AMBP: variants seen among roughly 807,000 people sequenced by gnomAD.
AMBP encodes the protein alpha-1-microglobulin/bikunin precursor.
AMBP carries 37 observed loss-of-function variants against 46.3 expected under a neutral mutation model. The observed-to-expected ratio is 0.80, with a 90% confidence interval of 0.61 to 1.05. AMBP has a LOEUF of 1.05. Ranked by LOEUF, AMBP falls within the 50% of genes least tolerant of loss-of-function variation. The pLI, the probability that AMBP is intolerant of heterozygous loss-of-function variation, is 0.00. For synonymous variants in AMBP, 174 were observed against 175.9 expected (o/e 0.99, Z 0.09); for missense variants, 475 against 461.2 (o/e 1.03, Z -0.27).
At chr9:114,060,340 G>A (rs2269455) in intron 9 of AMBP, 70 bp from the exon 10 acceptor site, 410,392 of 1,533,690 alleles carry the variant, frequency 0.27, 55,833 homozygotes, top group African/African-American at 0.31. Flanking sequence ...AGCAGCTGTC[G>A]CCTGGGGCCA....
intron 6 of AMBP, among the ~76,000 whole-genome samples, chr9:114,069,043 A>G (rs1036159305): frequency 2.0e-5 from 3 of 151,826 alleles, no homozygotes; most frequent in African/African-American, 7.3e-5. Flanking sequence ...CCAAATAAAT[A>G]TCACATATAT....
chr9:114,064,573 T>C (rs1846674230), intron 6 of AMBP, among the ~76,000 whole-genome samples: 1 of 151,816 alleles, frequency 6.6e-6, no homozygotes, highest in Non-Finnish European at 1.5e-5. Flanking sequence ...TTGACATTGA[T>C]AAAGAAATAC....
rs753777132 is a variant in AMBP, at chr9:114,060,261, T to G, written c.1037A>C (p.Glu346Ala). 2 of 1,613,308 alleles carry G rather than the reference T, an allele frequency of 1.2e-6. No homozygotes were observed. Among genetic ancestry groups the G allele is most frequent in the Non-Finnish European group, 1.7e-6 (2 of 1,179,744 alleles). The change falls in exon 10 of 10, where the codon GAG becomes GCG. Residue 346 changes from glutamate to alanine, a missense_variant. This residue lies in a region of AMBP where 293 missense variants were observed against 276.9 expected (regional missense o/e 1.06). Transcript: ENST00000265132. The stretch of plus-strand genomic sequence containing the variant: ...TTGTCAGTTGGAGAAGCGCAGCAGC[T>G]CCTCATCACCTGTGGACACAGAGAG... ...YCGVPGDGDE[E>A]LLRFSN
intron 9 of AMBP, 79 bp downstream of exon 9, chr9:114,060,846 C>A: frequency 1.3e-6 from 2 of 1,492,778 alleles, no homozygotes; most frequent in Non-Finnish European, 9.1e-7. Context: ...GCTCTCCAGA[C>A]CCCTACTCCT....
intron 2 of AMBP, among the ~76,000 whole-genome samples, chr9:114,075,434 A>T (rs1205484229): frequency 6.6e-6 from 1 of 152,240 alleles, no homozygotes; most frequent in Non-Finnish European, 1.5e-5. Flanking sequence ...TAAAATGGGG[A>T]TCATGATAGT....
intron 6 of AMBP, among the ~76,000 whole-genome samples, chr9:114,063,048 A>G (rs1399680827): frequency 1.3e-5 from 2 of 151,922 alleles, no homozygotes; most frequent in Admixed American, 1.3e-4. Flanking sequence ...AGTAATGAAA[A>G]GGTACCTCCC....
Position 114,062,676 on chromosome 9 carries a change from C to T in AMBP, c.685+1G>A, listed in dbSNP as rs112159657. 1 of 1,613,598 alleles carries T rather than the reference C, an allele frequency of 6.2e-7. No homozygotes were observed. Among genetic ancestry groups the T allele is most frequent in the South Asian group, 1.1e-5 (1 of 91,052 alleles). The stretch of plus-strand genomic sequence containing the variant: ...GGGGTGAAAAGGCAGGTGTTCATTA[C>T]CTTCTTTCTTGGTGACTTCAGTTAC... On this transcript the variant is annotated splice_donor_variant, in intron 7 of 9. Coordinates refer to ENST00000265132, the MANE Select transcript of AMBP (RefSeq NM_001633.4). LOFTEE classifies it high-confidence loss of function.
At chr9:114,061,159 A>G in intron 8 of AMBP, 61 bp from the exon 9 acceptor site, 3 of 1,577,206 alleles carry the variant, frequency 1.9e-6, no homozygotes, top group Non-Finnish European at 1.7e-6. Flanking sequence ...TCAGACATAC[A>G]TGAGACTGCT....
intron 4 of AMBP, among the ~76,000 whole-genome samples, chr9:114,073,588 C>T (rs1431871892): frequency 6.6e-6 from 1 of 150,844 alleles, no homozygotes; most frequent in Non-Finnish European, 1.5e-5. Context: ...GCCTCATACT[C>T]CTGGGCTCAA....
chr9:114,073,027 C>G lies in AMBP; in HGVS notation c.455-1G>C. On this transcript the variant is annotated splice_acceptor_variant, in intron 4 of 9. Coordinates refer to ENST00000265132, the MANE Select transcript of AMBP (RefSeq NM_001633.4). LOFTEE classifies it high-confidence loss of function. ...GTTTCCCTCAGCTGCGGCGCCCGCC[C>G]TGCAAGGAGGAAGCAGAGGAGACGC... The G allele has an allele frequency of 6.2e-7, 1 of 1,612,532 alleles. No individual in the cohort carries two copies. The highest frequency in any genetic ancestry group is 8.5e-7 in the Non-Finnish European group (1 of 1,179,272).
At chr9:114,076,443 G>T (rs997049378) in intron 2 of AMBP, among the ~76,000 whole-genome samples, 155 bp downstream of exon 2, 1 of 152,132 alleles carries the variant, frequency 6.6e-6, no homozygotes, top group Non-Finnish European at 1.5e-5. Flanking sequence ...CACCTGAAAA[G>T]GGCCGTCCTG....
intron 6 of AMBP, among the ~76,000 whole-genome samples, chr9:114,069,011 C>T (rs1846719031): frequency 1.3e-5 from 2 of 151,484 alleles, no homozygotes; most frequent in Admixed American, 6.6e-5. Flanking sequence ...TTTATAGTTT[C>T]GCAATTTTCA....
intron 6 of AMBP, among the ~76,000 whole-genome samples, chr9:114,068,227 A>G (rs1310628163): frequency 6.6e-6 from 1 of 152,198 alleles, no homozygotes; most frequent in African/African-American, 2.4e-5. Context: ...CTTTAGAAGA[A>G]TCTTTAGGAC....
At chr9:114,062,542 G>T in intron 7 of AMBP, 135 bp downstream of exon 7, 2 of 854,290 alleles carry the variant, frequency 2.3e-6, no homozygotes, top group Non-Finnish European at 3.8e-6. Flanking sequence ...TACTTGATTT[G>T]CCTTTTCTCA....
Position 114,062,566 on chromosome 9 carries a change from G to A in AMBP, c.685+111C>T. ...TGCCTTTTCTCAGTCCAGCCCTTGAGTCTCTAACAGATAAAGAGACTGCAC... is the reference window on the plus strand; with the variant it reads ...TGCCTTTTCTCAGTCCAGCCCTTGAATCTCTAACAGATAAAGAGACTGCAC... On this transcript the variant is annotated intron_variant, in intron 7 of 9. Coordinates refer to ENST00000265132, the MANE Select transcript of AMBP (RefSeq NM_001633.4). The A allele has an allele frequency of 3.6e-6, 4 of 1,101,164 alleles. No individual in the cohort carries two copies. In the South Asian group the frequency reaches 5.3e-5, roughly 15 times the overall value. 68.2% of individuals were successfully genotyped at this position (1,101,164 alleles called of 1,614,324 possible). A position where few individuals can be genotyped will look rare whatever the true frequency, so the allele number is the denominator to read the frequency against.
chr9:114,075,173 T>C lies in AMBP; in HGVS notation c.261-137A>G, dbSNP rs1490750652. ...TTGTGTGTTTTTGTTTGCTTTTTAA[T>C]TCGGAAATGAACATTTCCAAATGTC... is the stretch of plus-strand genomic sequence containing the variant. On this transcript the variant is annotated intron_variant, in intron 2 of 9. Coordinates refer to ENST00000265132, the MANE Select transcript of AMBP (RefSeq NM_001633.4). 1.4e-5 allele frequency: 9 copies of C among 644,320 alleles called. No individual in the cohort carries two copies. The South Asian group carries it at 1.6e-4, about 12-fold the overall frequency. The allele number at this position is 644,320 out of a possible 1,614,324, so 39.9% of individuals were successfully genotyped here.
intron 5 of AMBP, among the ~76,000 whole-genome samples, chr9:114,070,799 G>T (rs1346818959): frequency 6.6e-6 from 1 of 152,238 alleles, no homozygotes; most frequent in African/African-American, 2.4e-5. Flanking sequence ...TGTGTGTGAA[G>T]CCACCAGGGG....
chr9:114,067,022 C>G (rs1197244273), intron 6 of AMBP, among the ~76,000 whole-genome samples: 2 of 152,158 alleles, frequency 1.3e-5, no homozygotes, highest in African/African-American at 4.8e-5. Flanking sequence ...CTCACTGCAA[C>G]CTCTGCCTCC....
chr9:114,061,530 A>T lies in AMBP; in HGVS notation c.747T>A (p.Tyr249Ter). 1 of 1,613,944 alleles carries T rather than the reference A, an allele frequency of 6.2e-7. No individual in the cohort carries two copies. The highest frequency in any genetic ancestry group is 1.1e-5 in the South Asian group (1 of 91,068). ...PCMGMTSRYFYNGTSMACETF... is the reference protein window; with the variant it reads ...PCMGMTSRYF ...TCTCACAGGCCATGGATGTACCATT[A>T]TAGAAATACCTGCTGGTCATTCCCA... Residue 249 changes from tyrosine (Y) to a stop codon, truncating the protein, a stop_gained, in exon 8 of 10, where the codon TAT (tyrosine) becomes TAA (stop). Transcript: ENST00000265132. LOFTEE classifies it high-confidence loss of function.
Sources: allele counts gnomAD v4.1 joint callset (sites outside exome capture counted in the v4.1 genomes callset), GRCh38; gene constraint gnomAD v4.1.1; regional missense constraint gnomAD v4.1.1; transcripts MANE v1.5; gene names NCBI Gene and HGNC (gene_info 2026-07-23, HGNC 2026-07-21).